Variants in TRPM6 observed in about 807,000 individuals in gnomAD.
TRPM6 encodes transient receptor potential cation channel subfamily M member 6.
Under a neutral mutation model 247.6 loss-of-function variants are expected in TRPM6, and 111 were observed. The ratio of observed to expected loss-of-function variants is 0.45; its 90% CI spans 0.38 to 0.52. The LOEUF (loss-of-function observed/expected upper bound fraction) is 0.52, where lower values mean the gene tolerates loss of function less well. Among genes scored for constraint, TRPM6 ranks in the 20% least tolerant of loss-of-function variants. TRPM6 has a pLI of 0.00. For missense variants in TRPM6, 2,126 were observed against 2,421.5 expected, an observed-to-expected ratio of 0.88 and a Z score of 2.56; for synonymous variants, 892 against 853.8, an observed-to-expected ratio of 1.04 and a Z score of -0.78.
rs1829136026 is a variant in TRPM6, at chr9:74,821,797, T to C, written c.882A>G (p.Glu294=). ...QGVPVVGLVV[E]GGPNVILSVW... ...CTGACAGGATGACGTTGGGACCGCC[T>C]TCCACCACCAGCCCCACGACCGGCA... The change falls in exon 8 of 39, where the codon GAA becomes GAG. Residue 294 remains glutamate, a synonymous_variant. Transcript: ENST00000360774. 4 of 1,614,208 alleles carry C rather than the reference T, an allele frequency of 2.5e-6. No individual in the cohort carries two copies. The highest frequency in any genetic ancestry group is 2.2e-5 in the South Asian group (2 of 91,086).
intron 27 of TRPM6, among the ~76,000 whole-genome samples, chr9:74,760,076 G>C (rs1319542789): frequency 6.6e-6 from 1 of 152,190 alleles, no homozygotes; most frequent in African/African-American, 2.4e-5. Flanking sequence ...CTGTCACCTA[G>C]TGACATTACA....
In TRPM6 at chr9:74,818,293, C is replaced by CTTTTTTTTT. The variant is rs1161401022; in HGVS notation, c.1135-1338_1135-1330dup. 3.2e-4 allele frequency among the ~76,000 whole-genome samples: 23 copies of CTTTTTTTTT among 72,022 alleles called. 1 individual carries two copies. Among genetic ancestry groups the CTTTTTTTTT allele is most frequent in the African/African-American group, 1.1e-3 (18 of 16,322 alleles). The allele number at this position is 72,022 out of a possible 152,430, so 47.2% of individuals were successfully genotyped here. On this transcript the variant is annotated intron_variant, in intron 9 of 38. Transcript: ENST00000360774. The stretch of plus-strand genomic sequence containing the variant: ...AACTCACGTTTCAGATCTATCATTT[C>CTTTTTTTTT]TTTTTTTTTTTTTTTTTTTTTTTTT...
In TRPM6 at chr9:74,722,769, G is replaced by A. The variant is rs1282852988; in HGVS notation, c.*1844C>T. The A allele has an allele frequency of 6.6e-6, 1 of 152,078 alleles. No homozygotes were observed. The allele number at this position is 152,078 out of a possible 1,614,324, so 9.4% of individuals were successfully genotyped here. A position where few individuals can be genotyped will look rare whatever the true frequency, so the allele number is the denominator to read the frequency against. On this transcript the variant is annotated 3_prime_UTR_variant, in exon 39 of 39. Coordinates refer to ENST00000360774, the MANE Select transcript of TRPM6 (RefSeq NM_017662.5). The stretch of plus-strand genomic sequence containing the variant: ...CGCTTTCCACCACCCCAAAACCCAA[G>A]TAAAAGGGGAATAAATTAGCCCTTG...
intron 18 of TRPM6, among the ~76,000 whole-genome samples, chr9:74,796,127 C>A (rs1372985094): frequency 6.6e-6 from 1 of 152,166 alleles, no homozygotes; most frequent in East Asian, 1.9e-4. Context: ...TTACACCATG[C>A]CTAGAAAATT....
In TRPM6 at chr9:74,807,886, T is replaced by C. The variant is rs7045872; in HGVS notation, c.1638+148A>G. 2,547 of 897,714 alleles carry C rather than the reference T, an allele frequency of 2.8e-3. 46 individuals are homozygous for C. The African/African-American group carries it at 0.037, about 13-fold the overall frequency. The allele number at this position is 897,714 out of a possible 1,614,324, so 55.6% of individuals were successfully genotyped here. ...GCCAACACTGCAACACTTAGTACAGTATACTTCACATACAGCAGATAACAA... is the reference window on the plus strand; with the variant it reads ...GCCAACACTGCAACACTTAGTACAGCATACTTCACATACAGCAGATAACAA... On this transcript the variant is annotated intron_variant, in intron 14 of 38. Coordinates refer to ENST00000360774, the MANE Select transcript of TRPM6 (RefSeq NM_017662.5).
chr9:74,776,516 T>G (rs1010889141), intron 23 of TRPM6, among the ~76,000 whole-genome samples: 1 of 152,152 alleles, frequency 6.6e-6, no homozygotes, highest in African/African-American at 2.4e-5. Context: ...AGTTAAAATA[T>G]GCAAACAGTA....
chr9:74,724,769 G>C, intron 38 of TRPM6, 23 bp from the exon 39 acceptor site: 1 of 1,613,910 alleles, frequency 6.2e-7, no homozygotes, highest in Non-Finnish European at 8.5e-7. Context: ...CAAGTAAAAA[G>C]GTTATAGTGG....
At chr9:74,781,202 T>A (rs1340237960) in intron 23 of TRPM6, among the ~76,000 whole-genome samples, 1 of 151,500 alleles carries the variant, frequency 6.6e-6, no homozygotes, top group Non-Finnish European at 1.5e-5. Context: ...GAGAAGATGA[T>A]CCAGAAAAGA....
rs753957943 is a variant in TRPM6 at position 74,762,828 on chromosome 9, A to G, written c.3843T>C (p.Ser1281=). The G allele has an allele frequency of 2.5e-6, 4 of 1,614,020 alleles. No individual in the cohort carries two copies. Among genetic ancestry groups the G allele is most frequent in the Middle Eastern group, 1.6e-4 (1 of 6,082 alleles). ...GGCCTCCAGCCAGGCTCCTCAGCAA[A>G]GAAGAGGGCATGCTATAATACTGGT... ...KKYQYYSMPS[S]LLRSLAGGRH... The change falls in exon 26 of 39, where the codon TCT becomes TCC. Residue 1281 remains serine (S), a synonymous_variant. Transcript: ENST00000360774.
At chr9:74,878,205 T>G (rs1285001186) in intron 1 of TRPM6, among the ~76,000 whole-genome samples, 1 of 152,110 alleles carries the variant, frequency 6.6e-6, no homozygotes, top group African/African-American at 2.4e-5. Context: ...TCACCACTGC[T>G]ACTGTCATCA....
chr9:74,878,388 A>G (rs1245485801), intron 1 of TRPM6, among the ~76,000 whole-genome samples: 1 of 152,182 alleles, frequency 6.6e-6, no homozygotes, highest in Non-Finnish European at 1.5e-5. Context: ...TGGCACATTC[A>G]GCTCACTGCT....
At chr9:74,814,466 A>G (rs1828854132) in intron 11 of TRPM6, among the ~76,000 whole-genome samples, 1 of 152,228 alleles carries the variant, frequency 6.6e-6, no homozygotes, top group Non-Finnish European at 1.5e-5. Flanking sequence ...ATTGTTTGTA[A>G]CAAAGGACAA....
chr9:74,824,286 G>A (rs922559840), intron 7 of TRPM6, among the ~76,000 whole-genome samples: 1 of 151,538 alleles, frequency 6.6e-6, no homozygotes, highest in African/African-American at 2.4e-5. Flanking sequence ...GAATAGCTGG[G>A]ATTACAGGTG....
At position 74,761,862 on chromosome 9, in the gene TRPM6, T is replaced by C. The variant is rs1017523187; in HGVS notation, c.4673-54A>G. ...TTGACAACAGTAAGTGGGGAACATT[T>C]TGTTTTACAGAAAAAGCTGAGAGAA... On this transcript the variant is annotated intron_variant, in intron 26 of 38. Coordinates refer to ENST00000360774, the MANE Select transcript of TRPM6 (RefSeq NM_017662.5). The C allele has an allele frequency of 2.6e-6, 4 of 1,521,806 alleles. No homozygotes were observed. The African/African-American group carries it at 5.5e-5, about 21-fold the overall frequency. The allele number at this position is 1,521,806 out of a possible 1,614,324, so 94.3% of individuals were successfully genotyped here. A position where few individuals can be genotyped will look rare whatever the true frequency, so the allele number is the denominator to read the frequency against.
At chr9:74,853,341 AC>A (rs1057290835) in intron 3 of TRPM6, among the ~76,000 whole-genome samples, 56 of 152,122 alleles carry the variant, frequency 3.7e-4, no homozygotes, top group African/African-American at 1.3e-3. Context: ...CCCGGCTGCC[AC>A]CCCGTCTGGG....
chr9:74,757,901 A>G (rs1784147150), intron 27 of TRPM6, among the ~76,000 whole-genome samples: 1 of 152,214 alleles, frequency 6.6e-6, no homozygotes, highest in African/African-American at 2.4e-5. Flanking sequence ...CGACAGAGCA[A>G]TACTCCATCT....
intron 1 of TRPM6, among the ~76,000 whole-genome samples, chr9:74,880,897 T>C (rs146427471): frequency 9.5e-4 from 144 of 152,214 alleles, no homozygotes; most frequent in African/African-American, 3.3e-3. Context: ...CATCAATTAA[T>C]AAAATGGCAA....
intron 24 of TRPM6, among the ~76,000 whole-genome samples, chr9:74,773,386 A>G (rs536330481): frequency 1.3e-5 from 2 of 152,358 alleles, no homozygotes; most frequent in South Asian, 2.1e-4. Context: ...CTACTGAAGA[A>G]TGAGATGTTA....
intron 3 of TRPM6, among the ~76,000 whole-genome samples, chr9:74,851,044 C>T (rs371168929): frequency 3.9e-5 from 6 of 152,278 alleles, no homozygotes; most frequent in East Asian, 3.9e-4. Flanking sequence ...TGCAAACCAA[C>T]GTTCAGCTTA....
Sources: gnomAD v4.1 joint callset for allele counts (sites outside exome capture counted in the v4.1 genomes callset) on GRCh38, gnomAD v4.1.1 for gene constraint, MANE v1.5 for transcripts, NCBI Gene and HGNC (gene_info 2026-07-23, HGNC 2026-07-21) for gene names.